The following PCYOX1 variants were observed in gnomAD, a reference collection of about 807,000 sequenced individuals.
PCYOX1 encodes the protein prenylcysteine lyase.
A neutral mutation model predicts 46.4 loss-of-function variants in PCYOX1; 46 were observed. That is an observed-to-expected ratio of 0.99 (90% confidence interval 0.78 to 1.27). The LOEUF (loss-of-function observed/expected upper bound fraction) is 1.27, where lower values mean the gene tolerates loss of function less well. Among genes scored for constraint, PCYOX1 ranks in the 50% most tolerant of loss-of-function variants. PCYOX1 has a pLI of 0.00. For missense variants in PCYOX1, 658 were observed against 628.3 expected (o/e 1.05, Z -0.51); for synonymous variants, 220 against 231.8 (o/e 0.95, Z 0.46).
chr2:70,275,159 A>T lies in PCYOX1; in HGVS notation c.695A>T (p.Asn232Ile). Residue 232 changes from asparagine to isoleucine, a missense_variant, in exon 4 of 6, where the codon AAT becomes ATT. Physicochemically the swap from Asn to Ile is moderately radical, Grantham distance 149. Coordinates refer to ENST00000433351, the MANE Select transcript of PCYOX1 (RefSeq NM_016297.4). ...RVNYGQSTDI[N>I]AFVGAVSLSC... is the part of the protein sequence containing the mutation. ...AATTATGGCCAAAGCACGGACATCA[A>T]TGCCTTTGTGGGTAAGCCAGGGCTT... 1 of 1,613,034 alleles carries T rather than the reference A, an allele frequency of 6.2e-7. No homozygotes were observed. Among genetic ancestry groups the T allele is most frequent in the Non-Finnish European group, 8.5e-7 (1 of 1,178,994 alleles).
chr2:70,276,769 A>G lies in PCYOX1; in HGVS notation c.895A>G (p.Ile299Val). ...PTKMYEVVYQ[I>V]GTETRSDFYD... Reference sequence around the variant, plus strand: ...AAAGATGTATGAAGTGGTCTACCAAATTGGAACTGAGACTCGTTCAGACTT... The same window carrying G: ...AAAGATGTATGAAGTGGTCTACCAAGTTGGAACTGAGACTCGTTCAGACTT... Residue 299 changes from isoleucine to valine, a missense_variant, in exon 6 of 6, where the codon ATT becomes GTT. By Grantham distance (29) the Ile-to-Val change is conservative (BLOSUM62 3). Transcript: ENST00000433351. 6.2e-7 allele frequency: 1 copy of G among 1,606,512 alleles called. No individual in the cohort carries two copies.
At position 70,276,957 on chromosome 2, in the gene PCYOX1, C is replaced by T. The variant is rs983238750; in HGVS notation, c.1083C>T (p.Pro361=). 1 of 1,611,824 alleles carries T rather than the reference C, an allele frequency of 6.2e-7. No homozygotes were observed. Among genetic ancestry groups the T allele is most frequent in the African/African-American group, 1.3e-5 (1 of 74,972 alleles). ...ELNTSIFSSR[P]IDKFGLNTVL... Reference sequence around the variant, plus strand: ...ATACATCTATCTTTAGCTCTAGACCCATAGATAAATTTGGCCTTAATACAG... The same window carrying T: ...ATACATCTATCTTTAGCTCTAGACCTATAGATAAATTTGGCCTTAATACAG... The change falls in exon 6 of 6, where the codon CCC becomes CCT. Residue 361 remains proline (P), a synonymous_variant. Transcript: ENST00000433351.
At chr2:70,265,363 T>A (rs561080073) in intron 3 of PCYOX1, among the ~76,000 whole-genome samples, 35 of 152,096 alleles carry the variant, frequency 2.3e-4, no homozygotes, top group African/African-American at 8.4e-4. Flanking sequence ...GCTAATTTTT[T>A]AAATTTTTGT....
intron 1 of PCYOX1, 43 bp from the exon 2 acceptor site, chr2:70,259,317 G>T (rs773068093): frequency 6.5e-7 from 1 of 1,546,604 alleles, no homozygotes; most frequent in South Asian, 1.1e-5. Flanking sequence ...TCACAGAGCT[G>T]GTAAAAGGGG....
chr2:70,269,397 G>T (rs969950202), intron 3 of PCYOX1, among the ~76,000 whole-genome samples: 1 of 149,868 alleles, frequency 6.7e-6, no homozygotes, highest in Non-Finnish European at 1.5e-5. Context: ...GTTCAGTGGC[G>T]CTATCTCGGC....
rs773851324 is a variant in PCYOX1 at position 70,281,044 on chromosome 2, A to G, written c.*3652A>G. On this transcript the variant is annotated 3_prime_UTR_variant, in exon 6 of 6. Coordinates refer to ENST00000433351, the MANE Select transcript of PCYOX1 (RefSeq NM_016297.4). ...TTAACTAGATGAATACATTGTGGACAGCATCCTCACTACCCCTCTCTACTC... is the reference window on the plus strand; with the variant it reads ...TTAACTAGATGAATACATTGTGGACGGCATCCTCACTACCCCTCTCTACTC... 1.3e-5 allele frequency: 2 copies of G among 152,232 alleles called. No homozygotes were observed. Among genetic ancestry groups the G allele is most frequent in the Non-Finnish European group, 2.9e-5 (2 of 68,046 alleles). The allele number at this position is 152,232 out of a possible 1,614,324, so 9.4% of individuals were successfully genotyped here.
chr2:70,270,362 A>C (rs1195747702), intron 3 of PCYOX1, among the ~76,000 whole-genome samples: 1 of 152,184 alleles, frequency 6.6e-6, no homozygotes, highest in Non-Finnish European at 1.5e-5. Context: ...GAGCTCTGAA[A>C]GAGTCAATGT....
intron 3 of PCYOX1, among the ~76,000 whole-genome samples, chr2:70,273,492 T>C (rs1415062777): frequency 6.6e-6 from 1 of 152,212 alleles, no homozygotes; most frequent in East Asian, 1.9e-4. Flanking sequence ...TAAAAAAATA[T>C]AGTACATTTT....
At position 70,277,712 on chromosome 2, in the gene PCYOX1, G is replaced by C. The variant is rs776048886; in HGVS notation, c.*320G>C. ...GAGCCAATCTCACCATTGCACTTCA[G>C]CCTGAGCAACACGAGCAAAACTCCG... On this transcript the variant is annotated 3_prime_UTR_variant, in exon 6 of 6. Coordinates refer to ENST00000433351, the MANE Select transcript of PCYOX1 (RefSeq NM_016297.4). 1 of 212,672 alleles carries C rather than the reference G, an allele frequency of 4.7e-6. No individual in the cohort carries two copies. Among genetic ancestry groups the C allele is most frequent in the Non-Finnish European group, 9.3e-6 (1 of 107,490 alleles). The allele number at this position is 212,672 out of a possible 1,614,324, so 13.2% of individuals were successfully genotyped here. A position where few individuals can be genotyped will look rare whatever the true frequency, so the allele number is the denominator to read the frequency against.
chr2:70,261,521 A>G (rs1429932876), intron 3 of PCYOX1, 135 bp downstream of exon 3: 2 of 626,780 alleles, frequency 3.2e-6, no homozygotes, highest in Non-Finnish European at 5.5e-6. Flanking sequence ...ATTGTTAGGC[A>G]AAATGTTTTG....
chr2:70,269,979 T>C (rs1018627063), intron 3 of PCYOX1, among the ~76,000 whole-genome samples: 4 of 152,048 alleles, frequency 2.6e-5, no homozygotes, highest in Admixed American at 2.0e-4. Flanking sequence ...TTATTTTTTT[T>C]TCTCTCTCTC....
In PCYOX1 at chr2:70,280,311, G is replaced by T. The variant is rs985007532; in HGVS notation, c.*2919G>T. ...CATTAGGTAGTTTTATGCAACTATAGTATTAAGAGTTTTATTGGAAGAAAA... is the reference window on the plus strand; with the variant it reads ...CATTAGGTAGTTTTATGCAACTATATTATTAAGAGTTTTATTGGAAGAAAA... On this transcript the variant is annotated 3_prime_UTR_variant, in exon 6 of 6. Transcript: ENST00000433351. 1 of 152,124 alleles carries T rather than the reference G, an allele frequency of 6.6e-6. No homozygotes were observed. Among genetic ancestry groups the T allele is most frequent in the Non-Finnish European group, 1.5e-5 (1 of 68,024 alleles). The allele number at this position is 152,124 out of a possible 1,614,324, so 9.4% of individuals were successfully genotyped here. A position where few individuals can be genotyped will look rare whatever the true frequency, so the allele number is the denominator to read the frequency against.
Position 70,275,684 on chromosome 2 carries a change from AT to A in PCYOX1, c.859+20del. The A allele has an allele frequency of 6.5e-7, 1 of 1,535,372 alleles. No individual in the cohort carries two copies. Among genetic ancestry groups the A allele is most frequent in the Non-Finnish European group, 8.9e-7 (1 of 1,117,328 alleles). ...GTACACAGGTAAGCTTGAATTTCTT[AT>A]TGTTCCTGATATCCCCTGCAGAAAA... On this transcript the variant is annotated intron_variant, in intron 5 of 5. Coordinates refer to ENST00000433351, the MANE Select transcript of PCYOX1 (RefSeq NM_016297.4).
chr2:70,273,514 T>A (rs1339745122), intron 3 of PCYOX1, among the ~76,000 whole-genome samples: 3 of 152,230 alleles, frequency 2.0e-5, no homozygotes, highest in African/African-American at 7.2e-5. Flanking sequence ...AGAGAAAAAC[T>A]TGATGTGAAA....
At position 70,258,174 on chromosome 2, in the gene PCYOX1, G is replaced by C. The variant is rs762612379; in HGVS notation, c.10G>C (p.Val4Leu). The C allele has an allele frequency of 5.6e-6, 9 of 1,595,502 alleles. No individual in the cohort carries two copies. Among genetic ancestry groups the C allele is most frequent in the East Asian group, 4.6e-5 (2 of 43,712 alleles). Reference sequence around the variant, plus strand: ...AGAGCTTGTGGAGGCCATGGGGCGCGTCGTCGCGGAGCTCGTCTCCTCGCT... The same window carrying C: ...AGAGCTTGTGGAGGCCATGGGGCGCCTCGTCGCGGAGCTCGTCTCCTCGCT... MGR[V>L]VAELVSSLLG... Residue 4 changes from valine to leucine, a missense_variant, in exon 1 of 6, where the codon GTC (valine) becomes CTC (leucine). By Grantham distance (32) the Val-to-Leu change is conservative. Transcript: ENST00000433351.
chr2:70,274,032 C>G (rs772845547), intron 3 of PCYOX1, among the ~76,000 whole-genome samples: 1 of 152,070 alleles, frequency 6.6e-6, no homozygotes, highest in Non-Finnish European at 1.5e-5. Flanking sequence ...AGCTTGTGCA[C>G]TGGTGGGGAT....
intron 3 of PCYOX1, among the ~76,000 whole-genome samples, chr2:70,271,594 A>G (rs1696601661): frequency 6.6e-6 from 1 of 152,086 alleles, no homozygotes; most frequent in African/African-American, 2.4e-5. Flanking sequence ...TTTAAAAGCT[A>G]TACTGTTTGG....
intron 3 of PCYOX1, among the ~76,000 whole-genome samples, chr2:70,262,163 G>C (rs72904322): frequency 0.02 from 3,020 of 152,006 alleles, 91 homozygotes; most frequent in African/African-American, 0.069. Flanking sequence ...TAGTTTTTTA[G>C]TTTTTTTGTT....
rs112438565 is a variant in PCYOX1 at position 70,275,192 on chromosome 2, T to C, written c.706+22T>C. The stretch of plus-strand genomic sequence containing the variant: ...GTGGGTAAGCCAGGGCTTGAAACAG[T>C]GGTGGACATTAGTTCACAGAGGGGC... On this transcript the variant is annotated intron_variant, in intron 4 of 5. Coordinates refer to ENST00000433351, the MANE Select transcript of PCYOX1 (RefSeq NM_016297.4). 68 of 1,573,704 alleles carry C rather than the reference T, an allele frequency of 4.3e-5. No individual in the cohort carries two copies. The African/African-American group carries it at 7.8e-4, about 18-fold the overall frequency.
Sources: allele counts gnomAD v4.1 joint callset (sites outside exome capture counted in the v4.1 genomes callset), GRCh38; gene constraint gnomAD v4.1.1; transcripts MANE v1.5; gene names NCBI Gene and HGNC (gene_info 2026-07-23, HGNC 2026-07-21).